Variants in SEMA3A observed in about 807,000 individuals in gnomAD.
SEMA3A encodes the protein semaphorin-3A.
SEMA3A carries 29 observed loss-of-function variants against 97.9 expected under a neutral mutation model. The observed-to-expected ratio is 0.30, with a 90% CI of 0.22 to 0.40. SEMA3A has a LOEUF of 0.40. Among genes scored for constraint, SEMA3A ranks in the 10% least tolerant of loss-of-function variants. The probability of loss-of-function intolerance (pLI) is 1.00; values close to 1 mark genes in which losing one functional copy is unlikely to be tolerated. For synonymous variants in SEMA3A, 321 were observed against 323.7 expected (o/e 0.99, Z 0.09); for missense variants, 763 against 951.3 (o/e 0.80, Z 2.60).
intron 1 of SEMA3A, among the ~76,000 whole-genome samples, chr7:84,411,776 T>G (rs967634616): frequency 6.6e-6 from 1 of 152,128 alleles, no homozygotes; most frequent in Non-Finnish European, 1.5e-5. Context: ...AACAACAGTT[T>G]AGATTCAGGT....
intron 1 of SEMA3A, among the ~76,000 whole-genome samples, chr7:84,179,419 A>G (rs916870605): frequency 6.6e-5 from 10 of 151,942 alleles, no homozygotes; most frequent in African/African-American, 2.2e-4. Context: ...GCCATTCTCC[A>G]TTTTTTTCTT....
At chr7:84,329,108 GA>G (rs978909427) in intron 2 of SEMA3A, among the ~76,000 whole-genome samples, 3 of 150,742 alleles carry the variant, frequency 2.0e-5, no homozygotes, top group Non-Finnish European at 4.4e-5. Flanking sequence ...GAACTTTTAA[GA>G]AAAAAAAACC....
chr7:84,338,956 A>T (rs112282451), intron 2 of SEMA3A, among the ~76,000 whole-genome samples: 2 of 152,268 alleles, frequency 1.3e-5, no homozygotes, highest in African/African-American at 4.8e-5. Context: ...TTTCATCAGA[A>T]GTGAGGTTTT....
chr7:84,478,784 T>C (rs1279278098), intron 1 of SEMA3A, among the ~76,000 whole-genome samples: 1 of 152,028 alleles, frequency 6.6e-6, no homozygotes, highest in African/African-American at 2.4e-5. Context: ...GCAGTCTCTA[T>C]TCTTAAAATT....
intron 3 of SEMA3A, among the ~76,000 whole-genome samples, chr7:84,235,063 A>C (rs1056067656): frequency 5.3e-5 from 8 of 152,104 alleles, no homozygotes; most frequent in Non-Finnish European, 1.0e-4. Flanking sequence ...GGCATTAGGT[A>C]ATATATACGA....
rs573472062 is a variant in SEMA3A, at chr7:84,244,496, T to C, written c.-82-49828A>G. Among the ~76,000 whole-genome samples, 3 of 152,344 alleles carry C rather than the reference T, an allele frequency of 2.0e-5. No homozygotes were observed. The East Asian group carries it at 5.8e-4, about 29-fold the overall frequency. ...TCTATGTGTGTCTGTGCACATGAGA[T>C]GGGTGTCTTAAATAGAGCACACGGA... is the stretch of plus-strand genomic sequence containing the variant. On this transcript the variant is annotated intron_variant, in intron 3 of 3. Transcript: ENST00000424555.
chr7:83,974,208 G>A (rs1268286775), intron 15 of SEMA3A, among the ~76,000 whole-genome samples: 1 of 152,052 alleles, frequency 6.6e-6, no homozygotes, highest in East Asian at 1.9e-4. Flanking sequence ...GGCGACAGAG[G>A]AGAGTATCCT....
At chr7:84,241,805 T>C (rs1251867936) in intron 3 of SEMA3A, among the ~76,000 whole-genome samples, 1 of 152,158 alleles carries the variant, frequency 6.6e-6, no homozygotes, top group African/African-American at 2.4e-5. Flanking sequence ...AATTTTTGTA[T>C]AAGGTGTAAG....
At chr7:84,410,273 A>G (rs1005476715) in intron 1 of SEMA3A, among the ~76,000 whole-genome samples, 1 of 152,146 alleles carries the variant, frequency 6.6e-6, no homozygotes, top group African/African-American at 2.4e-5. Context: ...TTATAAACAT[A>G]CACAATATAT....
intron 1 of SEMA3A, among the ~76,000 whole-genome samples, chr7:84,455,508 T>A (rs1389385880): frequency 6.6e-6 from 1 of 151,948 alleles, no homozygotes; most frequent in Non-Finnish European, 1.5e-5. Context: ...TTAGAAGGTA[T>A]GTGATAGTAA....
At chr7:84,336,674 C>T (rs1445110906) in intron 2 of SEMA3A, among the ~76,000 whole-genome samples, 2 of 152,102 alleles carry the variant, frequency 1.3e-5, no homozygotes, top group Non-Finnish European at 2.9e-5. Context: ...GTTATCAGTA[C>T]AGGCACACAA....
chr7:84,312,656 C>T (rs1006879164), intron 2 of SEMA3A, among the ~76,000 whole-genome samples: 1 of 149,496 alleles, frequency 6.7e-6, no homozygotes, highest in African/African-American at 2.5e-5. Context: ...CATATGTACA[C>T]ATTTGTGTGC....
chr7:84,100,521 GT>G (rs1281154957), intron 4 of SEMA3A, among the ~76,000 whole-genome samples: 1 of 152,102 alleles, frequency 6.6e-6, no homozygotes, highest in Non-Finnish European at 1.5e-5. Flanking sequence ...TACTTTTAAA[GT>G]ACAGGATATA....
intron 1 of SEMA3A, among the ~76,000 whole-genome samples, chr7:84,479,132 T>C (rs1052477037): frequency 9.9e-5 from 15 of 152,200 alleles, no homozygotes; most frequent in Middle Eastern, 3.2e-3. Context: ...AAAGACATTC[T>C]ACTAAGATTA....
At chr7:84,065,277 G>A (rs1418205060) in intron 4 of SEMA3A, among the ~76,000 whole-genome samples, 1 of 122,826 alleles carries the variant, frequency 8.1e-6, no homozygotes, top group Non-Finnish European at 1.7e-5. Context: ...GCAGTGTGTA[G>A]AGGGAAATTT....
At chr7:84,209,004 T>C (rs1026253964) in intron 3 of SEMA3A, among the ~76,000 whole-genome samples, 3 of 152,234 alleles carry the variant, frequency 2.0e-5, no homozygotes, top group Non-Finnish European at 2.9e-5. Context: ...AGTGGCCTAT[T>C]TACACCTTAA....
At chr7:84,287,613 G>A (rs567971029) in intron 3 of SEMA3A, among the ~76,000 whole-genome samples, 3 of 151,410 alleles carry the variant, frequency 2.0e-5, no homozygotes, top group South Asian at 4.2e-4. Flanking sequence ...CTATATATTC[G>A]TTTACCTTGA....
intron 1 of SEMA3A, among the ~76,000 whole-genome samples, chr7:84,182,691 C>T (rs78187911): frequency 0.024 from 3,703 of 152,154 alleles, 168 homozygotes; most frequent in African/African-American, 0.083. Flanking sequence ...GCTTAACACA[C>T]TTAAAACTGT....
At chr7:84,235,627 C>A (rs1799219798) in intron 3 of SEMA3A, among the ~76,000 whole-genome samples, 1 of 151,764 alleles carries the variant, frequency 6.6e-6, no homozygotes, top group Non-Finnish European at 1.5e-5. Context: ...ATTCTTAATT[C>A]CTCTTCTCCA....
Sources: allele counts gnomAD v4.1 joint callset (sites outside exome capture counted in the v4.1 genomes callset), GRCh38; gene constraint gnomAD v4.1.1; transcripts MANE v1.5; gene names NCBI Gene and HGNC (gene_info 2026-07-23, HGNC 2026-07-21).